UNC5D: variants seen among roughly 807,000 people sequenced by gnomAD.
UNC5D encodes netrin receptor UNC5D.
A neutral mutation model predicts 105.4 loss-of-function variants in UNC5D; 39 were observed. The ratio of observed to expected loss-of-function variants is 0.37; its 90% CI spans 0.29 to 0.48. The LOEUF is 0.48. Ranked by LOEUF, UNC5D falls within the 20% of genes least tolerant of loss-of-function variation. The probability of loss-of-function intolerance (pLI) is 0.98; values close to 1 mark genes in which losing one functional copy is unlikely to be tolerated. For synonymous variants in UNC5D, 452 were observed against 450.4 expected (o/e 1.00, Z -0.04); for missense variants, 991 against 1,202.4 (o/e 0.82, Z 2.60).
intron 1 of UNC5D, among the ~76,000 whole-genome samples, chr8:35,372,004 G>C (rs1802453139): frequency 6.6e-6 from 1 of 152,156 alleles, no homozygotes; most frequent in Non-Finnish European, 1.5e-5. Context: ...TTTGATCTTA[G>C]CCTCTGATCT....
chr8:35,307,174 T>C (rs907584196), intron 1 of UNC5D, among the ~76,000 whole-genome samples: 1 of 152,198 alleles, frequency 6.6e-6, no homozygotes, highest in African/African-American at 2.4e-5. Flanking sequence ...CGAATTTTTG[T>C]TGGGCTCTGT....
At chr8:35,487,596 C>CCCT (rs1810920116) in intron 1 of UNC5D, among the ~76,000 whole-genome samples, 1 of 151,608 alleles carries the variant, frequency 6.6e-6, no homozygotes, top group African/African-American at 2.4e-5. Flanking sequence ...CACACACACC[C>CCCT]CACAGACTGT....
At chr8:35,342,734 A>C (rs967318987) in intron 1 of UNC5D, among the ~76,000 whole-genome samples, 1 of 152,002 alleles carries the variant, frequency 6.6e-6, no homozygotes, top group Non-Finnish European at 1.5e-5. Flanking sequence ...CAGACCTACT[A>C]CCTTACTAGC....
At chr8:35,381,053 GAGTA>G (rs1483614027) in intron 1 of UNC5D, among the ~76,000 whole-genome samples, 2 of 152,076 alleles carry the variant, frequency 1.3e-5, no homozygotes, top group East Asian at 1.9e-4. Flanking sequence ...AAGAGAGAGA[GAGTA>G]AGTGAGTGAA....
intron 15 of UNC5D, among the ~76,000 whole-genome samples, chr8:35,771,118 A>C (rs1563750661): frequency 6.6e-6 from 1 of 152,210 alleles, no homozygotes; most frequent in Non-Finnish European, 1.5e-5. Context: ...CCACTTATTA[A>C]TGTGTAGTAA....
At position 35,376,717 on chromosome 8, in the gene UNC5D, C is replaced by T. The variant is rs568365703; in HGVS notation, c.103+140830C>T. On this transcript the variant is annotated intron_variant, in intron 1 of 16. Coordinates refer to ENST00000404895, the MANE Select transcript of UNC5D (RefSeq NM_080872.4). Reference sequence around the variant, plus strand: ...TCCTGTCTAGATAATGGAATCTATTCAAAGCCTTCTGCACTTGGTCCTAAC... The same window carrying T: ...TCCTGTCTAGATAATGGAATCTATTTAAAGCCTTCTGCACTTGGTCCTAAC... Among the ~76,000 whole-genome samples, 7 of 152,292 alleles carry T rather than the reference C, an allele frequency of 4.6e-5. 1 individual carries two copies. Among genetic ancestry groups the T allele is most frequent in the African/African-American group, 1.7e-4 (7 of 41,544 alleles).
intron 1 of UNC5D, among the ~76,000 whole-genome samples, chr8:35,242,093 C>T (rs937804255): frequency 2.0e-5 from 3 of 152,112 alleles, no homozygotes; most frequent in African/African-American, 7.2e-5. Context: ...TTACTGGATT[C>T]ATAAGGTGCA....
intron 1 of UNC5D, among the ~76,000 whole-genome samples, chr8:35,298,172 C>T (rs939308975): frequency 2.0e-5 from 3 of 152,176 alleles, no homozygotes; most frequent in Non-Finnish European, 2.9e-5. Flanking sequence ...GGACTCTGCA[C>T]ACCAGTAGGA....
intron 1 of UNC5D, among the ~76,000 whole-genome samples, chr8:35,438,601 CAT>C (rs2128981612): frequency 6.6e-6 from 1 of 151,358 alleles, no homozygotes; most frequent in South Asian, 2.1e-4. Flanking sequence ...TGTGTGTACA[CAT>C]TTTTTTTTTT....
At position 35,796,424 on chromosome 8, in the gene UNC5D, G is replaced by A. The variant is rs1586660974; in HGVS notation, c.*5861G>A. 1 of 78,982 alleles carries A rather than the reference G, an allele frequency of 1.3e-5. No homozygotes were observed. The highest frequency in any genetic ancestry group is 6.2e-5 in the African/African-American group (1 of 16,234). The allele number at this position is 78,982 out of a possible 1,614,324, so 4.9% of individuals were successfully genotyped here. A position where few individuals can be genotyped will look rare whatever the true frequency, so the allele number is the denominator to read the frequency against. On this transcript the variant is annotated 3_prime_UTR_variant, in exon 17 of 17. Transcript: ENST00000404895. ...GGACGGTTTGGATGTTTTATGTCGA[G>A]TTTGCAAAAAAAAAAAAAAAAAAAA...
intron 1 of UNC5D, among the ~76,000 whole-genome samples, chr8:35,249,124 A>T (rs1407199886): frequency 1.8e-4 from 24 of 132,394 alleles, no homozygotes; most frequent in African/African-American, 5.1e-4. Flanking sequence ...TATATATATA[A>T]AATTATATAT....
At chr8:35,452,626 A>C (rs1243790849) in intron 1 of UNC5D, among the ~76,000 whole-genome samples, 1 of 152,104 alleles carries the variant, frequency 6.6e-6, no homozygotes, top group Non-Finnish European at 1.5e-5. Flanking sequence ...TCCTAGTTAC[A>C]CCCCAAAGTT....
At chr8:35,663,966 CAG>C (rs1356385843) in intron 4 of UNC5D, among the ~76,000 whole-genome samples, 2 of 152,230 alleles carry the variant, frequency 1.3e-5, no homozygotes, top group African/African-American at 4.8e-5. Context: ...TTGTAACCAC[CAG>C]CCAGATGTTG....
intron 3 of UNC5D, 68 bp downstream of exon 3, chr8:35,568,309 G>T (rs1477903311): frequency 3.9e-6 from 6 of 1,552,378 alleles, no homozygotes; most frequent in East Asian, 4.6e-5. Flanking sequence ...CTGAAGAGAG[G>T]TTTTACAGAT....
chr8:35,501,508 A>G (rs1811972358), intron 1 of UNC5D, among the ~76,000 whole-genome samples: 1 of 152,234 alleles, frequency 6.6e-6, no homozygotes, highest in South Asian at 2.1e-4. Flanking sequence ...ATGCCTCTCA[A>G]GTCACCCACA....
At chr8:35,472,232 T>C (rs1255550198) in intron 1 of UNC5D, among the ~76,000 whole-genome samples, 3 of 152,118 alleles carry the variant, frequency 2.0e-5, no homozygotes, top group Non-Finnish European at 2.9e-5. Context: ...CAGAGTTGTG[T>C]AGGGGATGTG....
At chr8:35,365,293 T>A (rs1247479463) in intron 1 of UNC5D, among the ~76,000 whole-genome samples, 3 of 152,076 alleles carry the variant, frequency 2.0e-5, no homozygotes, top group African/African-American at 2.4e-5. Flanking sequence ...AGATTTTTTT[T>A]ATACAGTCTT....
chr8:35,370,808 A>G (rs534180594), intron 1 of UNC5D, among the ~76,000 whole-genome samples: 170 of 152,352 alleles, frequency 1.1e-3, no homozygotes, highest in Non-Finnish European at 2.0e-3. Flanking sequence ...TGTAATCACT[A>G]AGTAATTGGT....
rs1472840603 is a variant in UNC5D at position 35,521,936 on chromosome 8, C to T, written c.104-27356C>T. ...CTCTATAGCCCAGCCTTAATCAGAACGTTTTCATAAATTAGAGCAATGATC... is the reference window on the plus strand; with the variant it reads ...CTCTATAGCCCAGCCTTAATCAGAATGTTTTCATAAATTAGAGCAATGATC... On this transcript the variant is annotated intron_variant, in intron 1 of 16. Transcript: ENST00000404895. Among the ~76,000 whole-genome samples, 7 of 152,252 alleles carry T rather than the reference C, an allele frequency of 4.6e-5. No homozygotes were observed. The East Asian group carries it at 1.4e-3, about 29-fold the overall frequency.
Sources: gnomAD v4.1 joint callset for allele counts (sites outside exome capture counted in the v4.1 genomes callset) on GRCh38, gnomAD v4.1.1 for gene constraint, MANE v1.5 for transcripts, NCBI Gene and HGNC (gene_info 2026-07-23, HGNC 2026-07-21) for gene names.